Variants in TMCO4 observed in about 807,000 individuals in gnomAD.
TMCO4 encodes the protein transmembrane and coiled-coil domains 4, also known as transmembrane and coiled-coil domain-containing protein 4.
TMCO4 carries 58 observed loss-of-function variants against 64.7 expected under a neutral mutation model. That is an observed-to-expected ratio of 0.90 (90% CI 0.73 to 1.12). The LOEUF (loss-of-function observed/expected upper bound fraction) is 1.12, where lower values mean the gene tolerates loss of function less well. TMCO4 is among the 50% of genes most tolerant of loss of function. The pLI, the probability that TMCO4 is intolerant of heterozygous loss-of-function variation, is 0.00. For synonymous variants in TMCO4, 325 were observed against 346.1 expected (o/e 0.94, Z 0.68); for missense variants, 780 against 825.9 (o/e 0.94, Z 0.68).
intron 13 of TMCO4, among the ~76,000 whole-genome samples, chr1:19,726,331 C>G (rs190029345): frequency 6.6e-6 from 1 of 152,058 alleles, no homozygotes; most frequent in Non-Finnish European, 1.5e-5. Flanking sequence ...ATGCCTGGCT[C>G]GGCCACCTTC....
At chr1:19,766,018 T>C (rs540140059) in intron 6 of TMCO4, among the ~76,000 whole-genome samples, 1 of 152,106 alleles carries the variant, frequency 6.6e-6, no homozygotes, top group East Asian at 1.9e-4. Context: ...CATCCTTCTA[T>C]TGCTCTCGCC....
At chr1:19,747,306 C>G (rs778573030) in intron 7 of TMCO4, 46 bp from the exon 8 acceptor site, 1 of 1,536,278 alleles carries the variant, frequency 6.5e-7, no homozygotes, top group Non-Finnish European at 9.0e-7. Context: ...TGCCCAGGAT[C>G]CCTTGAGACA....
chr1:19,714,720 C>A (rs184067479), intron 13 of TMCO4, among the ~76,000 whole-genome samples: 1 of 151,862 alleles, frequency 6.6e-6, no homozygotes, highest in African/African-American at 2.4e-5. Flanking sequence ...GCCAGGAGTT[C>A]GGGACCAGCC....
chr1:19,754,572 G>A (rs892125114), intron 7 of TMCO4, among the ~76,000 whole-genome samples: 1 of 152,102 alleles, frequency 6.6e-6, no homozygotes, highest in East Asian at 1.9e-4. Flanking sequence ...GAACACCACG[G>A]CAGCTAAAAA....
At chr1:19,767,223 G>A (rs779499486) in intron 6 of TMCO4, among the ~76,000 whole-genome samples, 4 of 152,068 alleles carry the variant, frequency 2.6e-5, no homozygotes, top group South Asian at 2.1e-4. Context: ...TATGGGCCTC[G>A]GTTTGTTCAT....
At chr1:19,753,116 C>A (rs936053934) in intron 7 of TMCO4, among the ~76,000 whole-genome samples, 2 of 152,042 alleles carry the variant, frequency 1.3e-5, no homozygotes, top group Non-Finnish European at 2.9e-5. Context: ...TACGCCATCA[C>A]ACCCAGCTAA....
intron 7 of TMCO4, 146 bp downstream of exon 7, chr1:19,755,488 G>C: frequency 8.6e-7 from 1 of 1,167,780 alleles, no homozygotes; most frequent in East Asian, 2.4e-5. Flanking sequence ...GCCACACAGC[G>C]AGTCAGGGCT....
chr1:19,794,151 G>A (rs938958596), intron 2 of TMCO4, among the ~76,000 whole-genome samples: 3 of 151,960 alleles, frequency 2.0e-5, no homozygotes, highest in Non-Finnish European at 2.9e-5. Flanking sequence ...TGCATTGGCC[G>A]TTCCCACGGC....
Position 19,728,494 on chromosome 1 carries a change from A to T in TMCO4, c.1264+8878T>A, listed in dbSNP as rs12562603. ...TACAGGCAGCTCTGATTTTCAAGGCATTTTCACCAGGTCATCTCCTCTGAC... is the reference window on the plus strand; with the variant it reads ...TACAGGCAGCTCTGATTTTCAAGGCTTTTTCACCAGGTCATCTCCTCTGAC... On this transcript the variant is annotated intron_variant, in intron 13 of 15. Transcript: ENST00000294543. 3.0e-4 allele frequency among the ~76,000 whole-genome samples: 46 copies of T among 152,310 alleles called. No individual in the cohort carries two copies. In the East Asian group the frequency reaches 8.3e-3, roughly 27 times the overall value.
chr1:19,706,741 C>T (rs1343413554), intron 13 of TMCO4, among the ~76,000 whole-genome samples: 1 of 152,170 alleles, frequency 6.6e-6, no homozygotes, highest in Non-Finnish European at 1.5e-5. Flanking sequence ...GCTCTTAGAA[C>T]TTATTGTCAT....
intron 13 of TMCO4, among the ~76,000 whole-genome samples, chr1:19,711,284 C>T (rs1467979314): frequency 6.6e-6 from 1 of 152,228 alleles, no homozygotes; most frequent in Admixed American, 6.5e-5. Context: ...ACTCTGAGAT[C>T]ACTGGAGCAG....
chr1:19,772,543 A>G (rs895328734), intron 4 of TMCO4, among the ~76,000 whole-genome samples: 3 of 152,118 alleles, frequency 2.0e-5, no homozygotes, highest in Non-Finnish European at 4.4e-5. Context: ...TCCACACCAG[A>G]CTTCTGACAC....
intron 10 of TMCO4, 181 bp downstream of exon 10, chr1:19,745,351 G>T: frequency 1.1e-6 from 1 of 931,478 alleles, no homozygotes; most frequent in Non-Finnish European, 1.6e-6. Flanking sequence ...TGGATGGCGA[G>T]ATGATGGGCA....
At chr1:19,730,182 G>C (rs2095424574) in intron 13 of TMCO4, among the ~76,000 whole-genome samples, 1 of 152,342 alleles carries the variant, frequency 6.6e-6, no homozygotes, top group Middle Eastern at 3.4e-3. Flanking sequence ...TGAAATGTTT[G>C]TAAAAGTCAC....
chr1:19,710,848 T>C (rs962831063), intron 13 of TMCO4, among the ~76,000 whole-genome samples: 2 of 152,242 alleles, frequency 1.3e-5, no homozygotes, highest in Admixed American at 6.5e-5. Flanking sequence ...AAAAGATTAA[T>C]ATCCCGATGT....
In TMCO4 at chr1:19,700,784, T is replaced by C. The variant is rs2095266518; in HGVS notation, c.1366A>G (p.Ile456Val). 6.2e-7 allele frequency: 1 copy of C among 1,614,118 alleles called. No individual in the cohort carries two copies. The highest frequency in any genetic ancestry group is 1.7e-5 in the Admixed American group (1 of 60,004). The stretch of plus-strand genomic sequence containing the variant: ...TGGACAGACCTGCAGTAGCCGTTGA[T>C]GATCCTCCCGGACACCACCTTCCGG... ...PFRKVVSGRI[I>V]NGYCRGDWLL... is the part of the protein sequence containing the mutation. The change falls in exon 14 of 16, where the codon ATC (isoleucine) becomes GTC (valine). Residue 456 changes from isoleucine to valine, a missense_variant. By Grantham distance (29) the Ile-to-Val change is conservative. Transcript: ENST00000294543.
chr1:19,780,577 C>T lies in TMCO4; in HGVS notation c.179+3G>A, dbSNP rs767770409. On this transcript the variant is annotated splice_donor_region_variant and intron_variant, in intron 4 of 15. Coordinates refer to ENST00000294543, the MANE Select transcript of TMCO4 (RefSeq NM_181719.7). The stretch of plus-strand genomic sequence containing the variant: ...CTTCCCACTGCAAGACAGAAGAACT[C>T]ACCTGTGTTCGGGTTCAGGAAATAA... 1 of 1,590,888 alleles carries T rather than the reference C, an allele frequency of 6.3e-7. No individual in the cohort carries two copies. The highest frequency in any genetic ancestry group is 8.6e-7 in the Non-Finnish European group (1 of 1,169,320).
intron 13 of TMCO4, among the ~76,000 whole-genome samples, chr1:19,731,507 A>G (rs1412501136): frequency 1.3e-5 from 2 of 152,202 alleles, no homozygotes; most frequent in Non-Finnish European, 2.9e-5. Flanking sequence ...TTTGGAATTC[A>G]AACCAGAGGC....
At chr1:19,796,262 A>G (rs1049878054) in intron 2 of TMCO4, among the ~76,000 whole-genome samples, 2 of 152,142 alleles carry the variant, frequency 1.3e-5, no homozygotes, top group Non-Finnish European at 2.9e-5. Context: ...GTGTGACCTC[A>G]AACCCCAAGT....
Sources: allele counts gnomAD v4.1 joint callset (sites outside exome capture counted in the v4.1 genomes callset), GRCh38; gene constraint gnomAD v4.1.1; transcripts MANE v1.5; gene names NCBI Gene and HGNC (gene_info 2026-07-23, HGNC 2026-07-21).